The following ARHGEF9 variants were observed in gnomAD, a reference collection of about 807,000 sequenced individuals.
ARHGEF9 encodes Cdc42 guanine nucleotide exchange factor 9, also known as rho guanine nucleotide exchange factor 9.
Under a neutral mutation model 41.3 loss-of-function variants are expected in ARHGEF9, and 2 were observed. That is an observed-to-expected ratio of 0.05 (90% confidence interval 0.02 to 0.15). The LOEUF is 0.15. Among genes scored for constraint, ARHGEF9 ranks in the 10% least tolerant of loss-of-function variants. The probability of loss-of-function intolerance (pLI) is 1.00; values close to 1 mark genes in which losing one functional copy is unlikely to be tolerated. For missense variants in ARHGEF9, 225 were observed against 424.7 expected, an observed-to-expected ratio of 0.53 and a Z score of 4.13; for synonymous variants, 160 against 154.4, an observed-to-expected ratio of 1.04 and a Z score of -0.27.
intron 9 of ARHGEF9, chrX:63,642,865 C>T (rs2047729058): frequency 9.0e-6 from 1 of 111,470 alleles, no homozygotes; most frequent in Non-Finnish European, 1.9e-5. Flanking sequence ...TGAGGCAAGA[C>T]AGAAAACCAA....
chrX:63,636,727 G>A lies in ARHGEF9; in HGVS notation c.*1301C>T, dbSNP rs2047329992. 6.9e-6 allele frequency: 2 copies of A among 291,872 alleles called. No individual in the cohort carries two copies. The highest frequency in any genetic ancestry group is 6.0e-6 in the Non-Finnish European group (1 of 167,905). The allele number at this position is 291,872 out of a possible 1,213,427, so 24.1% of individuals were successfully genotyped here. ...GAGAAGTCTCACACAATTTTAGGGT[G>A]GTAGAAAATGCAGGTACAATACTGT... On this transcript the variant is annotated 3_prime_UTR_variant, in exon 10 of 10. Transcript: ENST00000671741.
At chrX:63,640,351 C>T (rs1170141140) in intron 9 of ARHGEF9, 13 of 112,120 alleles carry the variant, frequency 1.2e-4, no homozygotes, top group African/African-American at 1.9e-4. Flanking sequence ...GCCAAAATTA[C>T]GCTGTCTTGG....
At chrX:63,771,427 C>T (rs781897781) in intron 1 of ARHGEF9, among the ~76,000 whole-genome samples, 2 of 112,056 alleles carry the variant, frequency 1.8e-5, no homozygotes, top group African/African-American at 6.5e-5. Context: ...TTGGCTGAGC[C>T]ACCGTGCTCA....
At chrX:63,707,462 A>G (rs1464195617) in intron 2 of ARHGEF9, 8 of 109,450 alleles carry the variant, frequency 7.3e-5, no homozygotes, top group Non-Finnish European at 1.3e-4. Context: ...CCAAGAAGAT[A>G]GCCCTTCCCG....
chrX:63,683,784 G>T (rs2050806482), intron 4 of ARHGEF9, among the ~76,000 whole-genome samples: 1 of 111,083 alleles, frequency 9.0e-6, no homozygotes, highest in African/African-American at 3.3e-5. Flanking sequence ...GGAAAAACTG[G>T]ATATCTATAT....
chrX:63,747,847 G>A (rs1482579284), intron 1 of ARHGEF9, among the ~76,000 whole-genome samples: 1 of 112,408 alleles, frequency 8.9e-6, no homozygotes, highest in African/African-American at 3.2e-5. Context: ...TTTTCAAAGA[G>A]GAGAAAGTAA....
At chrX:63,691,981 C>T (rs2051382681) in intron 4 of ARHGEF9, among the ~76,000 whole-genome samples, 2 of 111,530 alleles carry the variant, frequency 1.8e-5, no homozygotes, top group Non-Finnish European at 3.8e-5. Flanking sequence ...AACTTATGTT[C>T]TTGGACAAAC....
chrX:63,765,179 C>T (rs1556451220), intron 1 of ARHGEF9, among the ~76,000 whole-genome samples: 1 of 110,700 alleles, frequency 9.0e-6, no homozygotes, highest in African/African-American at 3.3e-5. Context: ...CTCCCAAAAG[C>T]AGAGTGGACA....
At position 63,676,560 on chromosome X, in the gene ARHGEF9, G is replaced by A. The variant is rs60624102; in HGVS notation, c.815+1780C>T. 4.2e-3 allele frequency among the ~76,000 whole-genome samples: 471 copies of A among 112,183 alleles called. 3 individuals carry two copies. The highest frequency in any genetic ancestry group is 0.014 in the African/African-American group (425 of 30,879). The stretch of plus-strand genomic sequence containing the variant: ...ATCTTTTGGGCTCTGTGACATCACC[G>A]AAGTTTCTCCTTGGCAAGATGTCTG... On this transcript the variant is annotated intron_variant, in intron 5 of 9. Transcript: ENST00000671741.
chrX:63,675,949 A>C (rs1412713952), intron 5 of ARHGEF9, among the ~76,000 whole-genome samples: 3 of 112,115 alleles, frequency 2.7e-5, no homozygotes, highest in East Asian at 5.6e-4. Flanking sequence ...TGTGGTCACT[A>C]GTCTGCTTAA....
At chrX:63,702,899 G>T (rs781862660) in intron 3 of ARHGEF9, among the ~76,000 whole-genome samples, 1 of 112,309 alleles carries the variant, frequency 8.9e-6, no homozygotes, top group Non-Finnish European at 1.9e-5. Context: ...GCAATTTAGA[G>T]ATGGGGTACA....
intron 1 of ARHGEF9, among the ~76,000 whole-genome samples, chrX:63,729,582 C>T (rs372456338): frequency 8.9e-6 from 1 of 111,952 alleles, no homozygotes; most frequent in East Asian, 2.8e-4. Context: ...GGTTTATATT[C>T]CCTCCCTGCC....
At chrX:63,711,587 C>G (rs782467965) in intron 2 of ARHGEF9, among the ~76,000 whole-genome samples, 3 of 112,025 alleles carry the variant, frequency 2.7e-5, no homozygotes, top group Admixed American at 9.4e-5. Flanking sequence ...GGTGCTGGTA[C>G]AACTGGATAT....
chrX:63,758,224 T>C (rs1487447209), intron 1 of ARHGEF9, among the ~76,000 whole-genome samples: 2 of 109,249 alleles, frequency 1.8e-5, no homozygotes, highest in Non-Finnish European at 1.9e-5. Flanking sequence ...ATTCCTAAAT[T>C]GCAGACAAGG....
At chrX:63,646,360 T>C (rs1456901513) in intron 8 of ARHGEF9, among the ~76,000 whole-genome samples, 1 of 112,391 alleles carries the variant, frequency 8.9e-6, no homozygotes, top group Non-Finnish European at 1.9e-5. Context: ...TTTATGGTTT[T>C]AGGTCTAACA....
intron 6 of ARHGEF9, among the ~76,000 whole-genome samples, chrX:63,673,344 T>C (rs1476539516): frequency 3.6e-5 from 4 of 111,426 alleles, no homozygotes; most frequent in Admixed American, 9.6e-5. Context: ...CCTATCTTGG[T>C]TATTTTAGCC....
intron 9 of ARHGEF9, 101 bp downstream of exon 9, chrX:63,643,879 A>G: frequency 1.1e-6 from 1 of 905,192 alleles, no homozygotes; most frequent in Non-Finnish European, 1.6e-6. Flanking sequence ...CTCCTCCACC[A>G]CCCCCAAGTA....
chrX:63,770,709 G>T (rs2056190549), intron 1 of ARHGEF9, among the ~76,000 whole-genome samples: 1 of 111,631 alleles, frequency 9.0e-6, no homozygotes, highest in Non-Finnish European at 1.9e-5. Context: ...TTAAATCATG[G>T]GAGTGGTTTC....
intron 2 of ARHGEF9, chrX:63,722,751 A>G (rs1463790902): frequency 1.8e-5 from 2 of 111,885 alleles, no homozygotes; most frequent in Non-Finnish European, 3.8e-5. Context: ...GTCTGTAAGC[A>G]CAAGACATAC....
Sources: allele counts gnomAD v4.1 joint callset (sites outside exome capture counted in the v4.1 genomes callset), GRCh38; gene constraint gnomAD v4.1.1; transcripts MANE v1.5; gene names NCBI Gene and HGNC (gene_info 2026-07-23, HGNC 2026-07-21).